Variants in PKP1 observed in about 807,000 individuals in gnomAD.
PKP1 encodes plakophilin 1, also known as plakophilin-1.
In PKP1, 27 loss-of-function variants were observed where a neutral mutation model predicts 76.4. That is an observed-to-expected ratio of 0.35 (90% CI 0.26 to 0.49). The LOEUF (loss-of-function observed/expected upper bound fraction) is 0.49. Among genes scored for constraint, PKP1 ranks in the 20% least tolerant of loss-of-function variants. The pLI is 0.99. For synonymous variants in PKP1, 404 were observed against 384.2 expected, an observed-to-expected ratio of 1.05 and a Z score of -0.60; for missense variants, 964 against 955.2, an observed-to-expected ratio of 1.01 and a Z score of -0.12.
intron 2 of PKP1, among the ~76,000 whole-genome samples, chr1:201,295,187 G>C (rs1454334672): frequency 6.6e-6 from 1 of 152,078 alleles, no homozygotes; most frequent in Non-Finnish European, 1.5e-5. Context: ...CCTGGGTCCT[G>C]GGGAGAGGAG....
Position 201,318,619 on chromosome 1 carries a change from G to T in PKP1, c.1056G>T (p.Gly352=). The T allele has an allele frequency of 6.2e-7, 1 of 1,612,068 alleles. No homozygotes were observed. Among genetic ancestry groups the T allele is most frequent in the South Asian group, 1.1e-5 (1 of 90,984 alleles). ...GNAEIQKQLT[G]LLWNLSSTDE... ...GGGTTGATGGTCTCTGACCCCCAGG[G>T]CTGCTCTGGAACCTGTCTTCCACTG... The change falls in exon 6 of 14, where the codon GGG becomes GGT. Residue 352 remains glycine (G), a splice_region_variant and synonymous_variant. Transcript: ENST00000367324.
intron 1 of PKP1, among the ~76,000 whole-genome samples, chr1:201,285,625 C>T (rs775361197): frequency 3.7e-4 from 56 of 152,222 alleles, no homozygotes; most frequent in Non-Finnish European, 8.8e-5. Flanking sequence ...CTGCACAAGA[C>T]TTGGCTGTCC....
At chr1:201,304,166 G>A (rs551941839) in intron 2 of PKP1, among the ~76,000 whole-genome samples, 204 of 152,262 alleles carry the variant, frequency 1.3e-3, no homozygotes, top group Admixed American at 3.1e-3. Context: ...CACAGTGCTG[G>A]GATCTGAGTT....
At chr1:201,321,928 C>T (rs1041216909) in intron 7 of PKP1, 50 bp from the exon 8 acceptor site, 1 of 1,609,114 alleles carries the variant, frequency 6.2e-7, no homozygotes, top group Non-Finnish European at 8.5e-7. Flanking sequence ...AGGCCAGGAG[C>T]CTGTCGGGCC....
Position 201,316,640 on chromosome 1 carries a change from C to T in PKP1, c.789C>T (p.Ala263=). The T allele has an allele frequency of 6.2e-7, 1 of 1,613,708 alleles. No individual in the cohort carries two copies. The highest frequency in any genetic ancestry group is 8.5e-7 in the Non-Finnish European group (1 of 1,179,874). ...YLSSQDEKYQ[A]IGAYYIQHTC... ...GCTCCCAGGATGAGAAGTACCAGGC[C>T]ATTGGGGCCTATTACATCCAGCATA... The change falls in exon 4 of 14, where the codon GCC becomes GCT. Residue 263 remains alanine (A), a synonymous_variant. Coordinates refer to ENST00000367324, the MANE Select transcript of PKP1 (RefSeq NM_001005337.3).
chr1:201,326,427 C>A (rs972182960), intron 12 of PKP1, among the ~76,000 whole-genome samples: 2 of 152,194 alleles, frequency 1.3e-5, no homozygotes, highest in Non-Finnish European at 2.9e-5. Context: ...GTACAGAGTC[C>A]TCTAGGGTAT....
Position 201,328,806 on chromosome 1 carries a change from C to T in PKP1, c.2151C>T (p.Asn717=). The change falls in exon 13 of 14, where the codon AAC becomes AAT. Residue 717 remains asparagine, a synonymous_variant. Coordinates refer to ENST00000367324, the MANE Select transcript of PKP1 (RefSeq NM_001005337.3). ...TGCTGGGAACCTTAGCTGGGGCCAA[C>T]AGCCTCAGGAACTTCACCTCCCGAT... is the stretch of plus-strand genomic sequence containing the variant. The part of the protein sequence containing the change: ...RNMLGTLAGA[N]SLRNFTSRF The T allele has an allele frequency of 6.2e-7, 1 of 1,614,148 alleles. No individual in the cohort carries two copies. The highest frequency in any genetic ancestry group is 1.1e-5 in the South Asian group (1 of 91,084).
chr1:201,287,154 A>G (rs1371324004), intron 1 of PKP1, among the ~76,000 whole-genome samples: 2 of 152,040 alleles, frequency 1.3e-5, no homozygotes, highest in Non-Finnish European at 2.9e-5. Context: ...TCCCTTCTTC[A>G]TAGAAGTACT....
At chr1:201,326,432 G>C (rs1003289680) in intron 12 of PKP1, among the ~76,000 whole-genome samples, 1 of 152,174 alleles carries the variant, frequency 6.6e-6, no homozygotes, top group African/African-American at 2.4e-5. Flanking sequence ...GAGTCCTCTA[G>C]GGTATAAGGT....
At chr1:201,301,743 T>C (rs943074263) in intron 2 of PKP1, among the ~76,000 whole-genome samples, 16 of 152,074 alleles carry the variant, frequency 1.1e-4, no homozygotes, top group African/African-American at 3.9e-4. Context: ...TTTTTTTTTT[T>C]CTTTTGGCCC....
In PKP1 at chr1:201,318,722, T is replaced by C; in HGVS notation, c.1159T>C (p.Cys387Arg). ...CGTCATCATTCCCTTCTCTGGCTGG[T>C]GCGATGGCAATAGCAACATGTCCCG... Reference protein sequence around the residue: ...DRVIIPFSGWCDGNSNMSREV... With the variant: ...DRVIIPFSGWRDGNSNMSREV... Residue 387 changes from cysteine to arginine, a missense_variant, in exon 6 of 14, where the codon TGC becomes CGC. Coordinates refer to ENST00000367324, the MANE Select transcript of PKP1 (RefSeq NM_001005337.3). The C allele has an allele frequency of 6.2e-7, 1 of 1,612,094 alleles. No individual in the cohort carries two copies. The highest frequency in any genetic ancestry group is 8.5e-7 in the Non-Finnish European group (1 of 1,179,838).
At chr1:201,286,555 C>T (rs1258162204) in intron 1 of PKP1, among the ~76,000 whole-genome samples, 1 of 152,216 alleles carries the variant, frequency 6.6e-6, no homozygotes, top group Non-Finnish European at 1.5e-5. Flanking sequence ...CACAAAATGC[C>T]TGTCTGCACT....
At position 201,313,346 on chromosome 1, in the gene PKP1, C is replaced by A. The variant is rs1656623420; in HGVS notation, c.487C>A (p.Pro163Thr). The change falls in exon 3 of 14, where the codon CCA (proline) becomes ACA (threonine). Residue 163 changes from proline (P) to threonine (T), a missense_variant. By Grantham distance (38) the Pro-to-Thr change is conservative. Coordinates refer to ENST00000367324, the MANE Select transcript of PKP1 (RefSeq NM_001005337.3). The part of the protein sequence containing the change: ...SRSEPDLYCD[P>T]RGTLRKGTLG... Reference sequence around the variant, plus strand: ...CAGTGAGCCCGACCTCTACTGTGACCCACGGGGCACCCTGCGCAAGGGCAC... The same window carrying A: ...CAGTGAGCCCGACCTCTACTGTGACACACGGGGCACCCTGCGCAAGGGCAC... 6.3e-7 allele frequency: 1 copy of A among 1,586,800 alleles called. No homozygotes were observed. The highest frequency in any genetic ancestry group is 8.6e-7 in the Non-Finnish European group (1 of 1,166,348).
intron 6 of PKP1, among the ~76,000 whole-genome samples, chr1:201,319,342 G>A (rs942081222): frequency 1.3e-5 from 2 of 152,216 alleles, no homozygotes; most frequent in African/African-American, 4.8e-5. Context: ...CTGGCGAAAT[G>A]GGTGGGTGTG....
chr1:201,318,348 A>G (rs1656831089), intron 5 of PKP1, among the ~76,000 whole-genome samples: 1 of 152,244 alleles, frequency 6.6e-6, no homozygotes, highest in Non-Finnish European at 1.5e-5. Context: ...TGATCAATCA[A>G]ACGTTTTTTG....
rs1320885004 is a variant in PKP1, at chr1:201,288,371, T to G, written c.202+4467T>G. Among the ~76,000 whole-genome samples, 4 of 152,212 alleles carry G rather than the reference T, an allele frequency of 2.6e-5. No individual in the cohort carries two copies. In the East Asian group the frequency reaches 7.7e-4, roughly 29 times the overall value. ...AAACATCCTAACATATTAAAAAGTC[T>G]TCTCATCCACTCTTCTCAAACTTGG... On this transcript the variant is annotated intron_variant, in intron 1 of 13. Coordinates refer to ENST00000367324, the MANE Select transcript of PKP1 (RefSeq NM_001005337.3).
Position 201,328,873 on chromosome 1 carries a change from G to T in PKP1, c.*32+5G>T. The T allele has an allele frequency of 6.5e-7, 1 of 1,538,048 alleles. No individual in the cohort carries two copies. The highest frequency in any genetic ancestry group is 1.4e-5 in the African/African-American group (1 of 73,606). On this transcript the variant is annotated splice_donor_5th_base_variant and intron_variant, in intron 13 of 13. Coordinates refer to ENST00000367324, the MANE Select transcript of PKP1 (RefSeq NM_001005337.3). ...CCAAGCAAGTTAGGCTTGCAGGTAA[G>T]AATCACCCCACCCTCAGGGATGCCT...
At chr1:201,324,650 G>A (rs1208289223) in intron 10 of PKP1, 69 bp downstream of exon 10, 2 of 1,562,658 alleles carry the variant, frequency 1.3e-6, no homozygotes, top group African/African-American at 1.4e-5. Context: ...AAGCCTGCTT[G>A]AAGGTCATCC....
intron 3 of PKP1, among the ~76,000 whole-genome samples, chr1:201,315,658 G>A (rs1386180397): frequency 6.6e-6 from 1 of 152,152 alleles, no homozygotes; most frequent in Non-Finnish European, 1.5e-5. Flanking sequence ...AGTGGAGCCG[G>A]GTTATTAGGT....
Sources: allele counts gnomAD v4.1 joint callset (sites outside exome capture counted in the v4.1 genomes callset), GRCh38; gene constraint gnomAD v4.1.1; transcripts MANE v1.5; gene names NCBI Gene and HGNC (gene_info 2026-07-23, HGNC 2026-07-21).